The following FBLN1 variants were observed in gnomAD, a reference collection of about 807,000 sequenced individuals.
FBLN1 encodes the protein fibulin 1.
In FBLN1, 34 loss-of-function variants were observed where a neutral mutation model predicts 89.7. That is an observed-to-expected ratio of 0.38 (90% CI 0.29 to 0.50). The LOEUF (loss-of-function observed/expected upper bound fraction) is 0.50. Ranked by LOEUF, FBLN1 falls within the 20% of genes least tolerant of loss-of-function variation. The pLI, the probability that FBLN1 is intolerant of heterozygous loss-of-function variation, is 0.92. For missense variants in FBLN1, 777 were observed against 988.1 expected (o/e 0.79, Z 2.86); for synonymous variants, 393 against 391.3 (o/e 1.00, Z -0.05).
At chr22:45,591,615 C>G (rs1299494922) in intron 16 of FBLN1, among the ~76,000 whole-genome samples, 1 of 152,174 alleles carries the variant, frequency 6.6e-6, no homozygotes, top group African/African-American at 2.4e-5. Flanking sequence ...GTCCCCCTTG[C>G]TTCCCGGCTT....
rs964417738 is a variant in FBLN1 at position 45,530,061 on chromosome 22, G to T, written c.485-1204G>T. On this transcript the variant is annotated intron_variant, in intron 4 of 16. Coordinates refer to ENST00000327858, the MANE Select transcript of FBLN1 (RefSeq NM_006486.3). The surrounding 1 kb of genome is among the most constrained non-coding windows in gnomAD (Gnocchi z 5.4). ...TGGTCACAGAGGACCCGGGTCACCCGGGACTCATCTTTCACTTATTGTTCT... is the reference window on the plus strand; with the variant it reads ...TGGTCACAGAGGACCCGGGTCACCCTGGACTCATCTTTCACTTATTGTTCT... 6.7e-6 allele frequency among the ~76,000 whole-genome samples: 1 copy of T among 148,986 alleles called. No individual in the cohort carries two copies. Among genetic ancestry groups the T allele is most frequent in the Non-Finnish European group, 1.5e-5 (1 of 67,684 alleles).
rs1281511341 is a variant in FBLN1, at chr22:45,547,088, T to C, written c.1325T>C (p.Ile442Thr). The C allele has an allele frequency of 6.2e-7, 1 of 1,613,946 alleles. No individual in the cohort carries two copies. The highest frequency in any genetic ancestry group is 1.3e-5 in the African/African-American group (1 of 74,906). Residue 442 changes from isoleucine to threonine, a missense_variant, in exon 12 of 17, where the codon ATC becomes ACC. Ile to Thr is a moderately conservative substitution (Grantham distance 89). Coordinates refer to ENST00000327858, the MANE Select transcript of FBLN1 (RefSeq NM_006486.3). ...TGACCCTCGTTTTGTATTTCAGACA[T>C]CAATGAGTGCAGCAGCAGCCCCTGT... ...LSVDGRSCED[I>T]NECSSSPCSQ...
At position 45,600,800 on chromosome 22, in the gene FBLN1, G is replaced by T. The variant is rs948513720; in HGVS notation, c.*354G>T. The T allele has an allele frequency of 8.7e-6, 3 of 343,998 alleles. No homozygotes were observed. Among genetic ancestry groups the T allele is most frequent in the African/African-American group, 4.3e-5 (2 of 46,572 alleles). 21.3% of individuals were successfully genotyped at this position (343,998 alleles called of 1,614,324 possible). On this transcript the variant is annotated 3_prime_UTR_variant, in exon 17 of 17. Coordinates refer to ENST00000327858, the MANE Select transcript of FBLN1 (RefSeq NM_006486.3). The stretch of plus-strand genomic sequence containing the variant: ...AAATGCCAAAAGAAGACCAGTTCTT[G>T]CCCTGATTGTATGAAATTTGACATT...
At chr22:45,596,091 G>GA (rs1569270388) in intron 16 of FBLN1, among the ~76,000 whole-genome samples, 1 of 152,146 alleles carries the variant, frequency 6.6e-6, no homozygotes, top group African/African-American at 2.4e-5. Flanking sequence ...GGATGGTCTT[G>GA]ATCTCCTGAC....
intron 16 of FBLN1, among the ~76,000 whole-genome samples, chr22:45,599,229 C>A (rs2089210800): frequency 1.3e-5 from 2 of 152,216 alleles, no homozygotes; most frequent in African/African-American, 4.8e-5. Context: ...TCCCTGCAAC[C>A]CCCAGCTGTT....
chr22:45,517,766 C>G lies in FBLN1; in HGVS notation c.80-916C>G, dbSNP rs961566786. The G allele has an allele frequency of 4.4e-5, 17 of 389,706 alleles. No homozygotes were observed. The Admixed American group carries it at 5.3e-4, about 12-fold the overall frequency. The allele number at this position is 389,706 out of a possible 1,614,324, so 24.1% of individuals were successfully genotyped here. ...ATCTGTAGCTTGAGGCTTATGTCCC[C>G]CCTCCTGCCCCTTTGCTCCCAAGAT... is the stretch of plus-strand genomic sequence containing the variant. On this transcript the variant is annotated intron_variant, in intron 1 of 16. Coordinates refer to ENST00000327858, the MANE Select transcript of FBLN1 (RefSeq NM_006486.3).
Position 45,513,091 on chromosome 22 carries a change from A to G in FBLN1, c.80-5591A>G, listed in dbSNP as rs543573270. Among the ~76,000 whole-genome samples, 12 of 152,332 alleles carry G rather than the reference A, an allele frequency of 7.9e-5. No homozygotes were observed. In the South Asian group the frequency reaches 1.9e-3, roughly 24 times the overall value. ...GCTGTACAGAACATTCTGAAATACAATCTACTAAATTAATTCGCTTGACAC... is the reference window on the plus strand; with the variant it reads ...GCTGTACAGAACATTCTGAAATACAGTCTACTAAATTAATTCGCTTGACAC... On this transcript the variant is annotated intron_variant, in intron 1 of 16. Transcript: ENST00000327858.
intron 2 of FBLN1, chr22:45,523,131 G>A (rs2088273385): frequency 1.3e-6 from 1 of 778,662 alleles, no homozygotes; most frequent in African/African-American, 1.7e-5. Context: ...CCTGAATGGG[G>A]CGTGGGCAGT....
chr22:45,508,877 A>T (rs947477200), intron 1 of FBLN1, among the ~76,000 whole-genome samples: 1 of 152,258 alleles, frequency 6.6e-6, no homozygotes, highest in Non-Finnish European at 1.5e-5. Context: ...CATGGCACTA[A>T]GTACAGAGTT....
In FBLN1 at chr22:45,572,027, G is replaced by A. The variant is rs1328710702; in HGVS notation, c.1698-2484G>A. Among the ~76,000 whole-genome samples, 2 of 152,140 alleles carry A rather than the reference G, an allele frequency of 1.3e-5. No homozygotes were observed. Among genetic ancestry groups the A allele is most frequent in the Non-Finnish European group, 2.9e-5 (2 of 68,026 alleles). Reference sequence around the variant, plus strand: ...GCCTGTAATCCCAGCTACTCAGGAGGCTGAGGCAGGAGAATCACTTGAACC... The same window carrying A: ...GCCTGTAATCCCAGCTACTCAGGAGACTGAGGCAGGAGAATCACTTGAACC... On this transcript the variant is annotated intron_variant, in intron 14 of 16. Coordinates refer to ENST00000327858, the MANE Select transcript of FBLN1 (RefSeq NM_006486.3). The surrounding 1 kb of genome is among the most constrained non-coding windows in gnomAD (Gnocchi z 5.8).
At chr22:45,509,987 G>A (rs919745411) in intron 1 of FBLN1, among the ~76,000 whole-genome samples, 23 of 152,296 alleles carry the variant, frequency 1.5e-4, no homozygotes, top group African/African-American at 5.3e-4. Flanking sequence ...GACGCCCTCA[G>A]CTGCCTCTGA....
At chr22:45,551,060 C>T (rs1226486609) in intron 14 of FBLN1, 3 of 270,558 alleles carry the variant, frequency 1.1e-5, no homozygotes, top group Non-Finnish European at 2.2e-5. Context: ...GTTAGGTGCC[C>T]ACCTGAAAGC....
At chr22:45,571,797 C>T (rs1337295076) in intron 14 of FBLN1, among the ~76,000 whole-genome samples, 1 of 152,136 alleles carries the variant, frequency 6.6e-6, no homozygotes, top group Non-Finnish European at 1.5e-5. Flanking sequence ...CTGAGCCTCC[C>T]TAGTATCCAG....
Position 45,600,330 on chromosome 22 carries a change from A to T in FBLN1, c.1996A>T (p.Ile666Phe). Residue 666 changes from isoleucine (I) to phenylalanine (F), a missense_variant, in exon 17 of 17, where the codon ATC (isoleucine) becomes TTC (phenylalanine). Physicochemically the swap from Ile to Phe is conservative, Grantham distance 21 (BLOSUM62 0). Transcript: ENST00000327858. The part of the protein sequence containing the change: ...TVGVVRQVRP[I>F]VGPFHAVLKL... ...AGGTGTCGTGCGCCAGGTGCGGCCC[A>T]TCGTGGGCCCATTTCATGCCGTCCT... 2.5e-6 allele frequency: 4 copies of T among 1,614,158 alleles called. No homozygotes were observed. Among genetic ancestry groups the T allele is most frequent in the Non-Finnish European group, 2.5e-6 (3 of 1,180,026 alleles).
intron 14 of FBLN1, among the ~76,000 whole-genome samples, chr22:45,560,587 G>A (rs1344899815): frequency 6.6e-6 from 1 of 152,172 alleles, no homozygotes; most frequent in African/African-American, 2.4e-5. Flanking sequence ...TCCCCGAGTT[G>A]CAACATTAAA....
rs1601534334 is a variant in FBLN1 at position 45,578,137 on chromosome 22, C to G, written c.1972+1029C>G. 6.6e-6 allele frequency: 1 copy of G among 152,256 alleles called. No homozygotes were observed. Among genetic ancestry groups the G allele is most frequent in the South Asian group, 2.1e-4 (1 of 4,828 alleles). 9.4% of individuals were successfully genotyped at this position (152,256 alleles called of 1,614,324 possible). A position where few individuals can be genotyped will look rare whatever the true frequency, so the allele number is the denominator to read the frequency against. ...TCCGGGAGGTCCTAACCAGAACCCACGAGCGTGCAGTGCGCACAGAGCAGA... is the reference window on the plus strand; with the variant it reads ...TCCGGGAGGTCCTAACCAGAACCCAGGAGCGTGCAGTGCGCACAGAGCAGA... On this transcript the variant is annotated intron_variant, in intron 16 of 16. Transcript: ENST00000327858. The surrounding 1 kb of genome is among the most constrained non-coding windows in gnomAD (Gnocchi z 4.6).
intron 16 of FBLN1, among the ~76,000 whole-genome samples, 163 bp from the exon 17 acceptor site, chr22:45,600,144 A>G (rs112676890): frequency 1.3e-5 from 2 of 152,242 alleles, no homozygotes; most frequent in African/African-American, 4.8e-5. Context: ...ACCACTTGGA[A>G]GGAGATGTTA....
intron 8 of FBLN1, among the ~76,000 whole-genome samples, chr22:45,540,690 A>G (rs1401879485): frequency 1.3e-5 from 2 of 152,204 alleles, no homozygotes; most frequent in Admixed American, 6.5e-5. Flanking sequence ...ACACTTGCTC[A>G]TTGTATGTCA....
chr22:45,548,549 GCATGGCCAGCAGC>G (rs778342628), intron 12 of FBLN1, 51 bp from the exon 13 acceptor site: 1,132 of 1,606,736 alleles, frequency 7.0e-4, no homozygotes, highest in Non-Finnish European at 8.7e-4. Context: ...GGGCGATGTA[GCATGGCCAGCAGC>G]CATGGCCAGG....
Sources: allele counts gnomAD v4.1 joint callset (sites outside exome capture counted in the v4.1 genomes callset), GRCh38; gene constraint gnomAD v4.1.1; non-coding constraint Gnocchi (gnomAD v3.1); transcripts MANE v1.5; gene names NCBI Gene and HGNC (gene_info 2026-07-23, HGNC 2026-07-21).